TNS3: variants seen among roughly 807,000 people sequenced by gnomAD.
The protein encoded by TNS3 is tensin 3.
In TNS3, 45 loss-of-function variants were observed where a neutral mutation model predicts 140.9. The observed-to-expected ratio is 0.32, with a 90% confidence interval of 0.25 to 0.41. The LOEUF (loss-of-function observed/expected upper bound fraction) is 0.41. TNS3 is among the 10% of genes least tolerant of loss of function. TNS3 has a pLI of 1.00. For synonymous variants in TNS3, 815 were observed against 788.4 expected (o/e 1.03, Z -0.56); for missense variants, 1,716 against 1,906.7 (o/e 0.90, Z 1.86).
intron 4 of TNS3, among the ~76,000 whole-genome samples, chr7:47,447,636 G>A (rs1795813453): frequency 6.6e-6 from 1 of 152,120 alleles, no homozygotes; most frequent in African/African-American, 2.4e-5. Context: ...TATGGCACAT[G>A]GTCCTGCAGT....
chr7:47,411,554 C>T (rs529208976), intron 13 of TNS3, among the ~76,000 whole-genome samples, 173 bp downstream of exon 13: 25 of 152,342 alleles, frequency 1.6e-4, no homozygotes, highest in African/African-American at 5.0e-4. Context: ...ATAAGGTCCA[C>T]GGCCCAGGCG....
chr7:47,319,943 G>T (rs1245118688), intron 20 of TNS3, among the ~76,000 whole-genome samples: 1 of 152,190 alleles, frequency 6.6e-6, no homozygotes, highest in Non-Finnish European at 1.5e-5. Context: ...CGTCCTGTGA[G>T]CAATGAGGAA....
chr7:47,317,856 G>A (rs1185766355), intron 20 of TNS3, among the ~76,000 whole-genome samples: 1 of 152,220 alleles, frequency 6.6e-6, no homozygotes, highest in African/African-American at 2.4e-5. Context: ...CACCCGCTGA[G>A]TGGCCAAGGA....
intron 3 of TNS3, among the ~76,000 whole-genome samples, chr7:47,496,369 T>C (rs191451249): frequency 6.6e-6 from 1 of 152,246 alleles, no homozygotes; most frequent in East Asian, 1.9e-4. Context: ...GGAGGGACGT[T>C]TCCCCTGTGA....
intron 20 of TNS3, among the ~76,000 whole-genome samples, chr7:47,341,435 ATTT>A (rs1258829321): frequency 2.7e-4 from 41 of 152,254 alleles, no homozygotes; most frequent in Admixed American, 2.2e-3. Context: ...CAAGTAGTCT[ATTT>A]CCTATTGGGT....
intron 1 of TNS3, among the ~76,000 whole-genome samples, chr7:47,564,627 C>A (rs1800385584): frequency 2.2e-5 from 2 of 92,692 alleles, no homozygotes; most frequent in Admixed American, 1.6e-4. Flanking sequence ...CAGAGCAAGA[C>A]TCCGTCTCAA....
chr7:47,389,075 GAAGAA>G lies in TNS3; in HGVS notation c.1024+7720_1024+7724del, dbSNP rs1562675186. Among the ~76,000 whole-genome samples, 11 of 69,280 alleles carry G rather than the reference GAAGAA, an allele frequency of 1.6e-4. No homozygotes were observed. In the East Asian group the frequency reaches 1.8e-3, roughly 12 times the overall value. 45.5% of individuals were successfully genotyped at this position (69,280 alleles called of 152,430 possible). On this transcript the variant is annotated intron_variant, in intron 16 of 30. Transcript: ENST00000311160. ...AGAAGAAGAAGAAGAAGAAGAAGAA[GAAGAA>G]GAAGAGGAAGAGGAAGAGGAAGCGG...
intron 20 of TNS3, among the ~76,000 whole-genome samples, chr7:47,317,198 A>C: frequency 6.6e-6 from 1 of 152,250 alleles, no homozygotes; most frequent in African/African-American, 2.4e-5. Context: ...TTATTCCCCC[A>C]GTGAAGCCAG....
At chr7:47,522,885 G>C (rs571668854) in intron 2 of TNS3, among the ~76,000 whole-genome samples, 1 of 147,672 alleles carries the variant, frequency 6.8e-6, no homozygotes, top group Non-Finnish European at 1.5e-5. Flanking sequence ...CTGAGATCGC[G>C]CCAATGCACT....
At chr7:47,291,037 GA>G (rs900901313) in intron 27 of TNS3, among the ~76,000 whole-genome samples, 6 of 152,120 alleles carry the variant, frequency 3.9e-5, no homozygotes, top group African/African-American at 1.4e-4. Context: ...ACACATGGAG[GA>G]AACTTAAATG....
chr7:47,466,671 A>C (rs1796730944), intron 4 of TNS3, among the ~76,000 whole-genome samples: 1 of 152,142 alleles, frequency 6.6e-6, no homozygotes. Flanking sequence ...TCAGCTGTGT[A>C]CTTCCTGCAA....
At chr7:47,380,385 C>G (rs544384854) in intron 16 of TNS3, among the ~76,000 whole-genome samples, 1 of 152,202 alleles carries the variant, frequency 6.6e-6, no homozygotes, top group Admixed American at 6.5e-5. Flanking sequence ...TTGGCCTTAT[C>G]TGAGGCCACC....
intron 2 of TNS3, among the ~76,000 whole-genome samples, chr7:47,508,628 G>A (rs1798501350): frequency 6.6e-6 from 1 of 152,250 alleles, no homozygotes; most frequent in South Asian, 2.1e-4. Context: ...TAGCCTTCCA[G>A]ATGGCCTGGG....
intron 1 of TNS3, chr7:47,539,060 T>C (rs1193994241): frequency 4.4e-6 from 2 of 456,660 alleles, no homozygotes; most frequent in East Asian, 7.0e-5. Flanking sequence ...CAGCTGGATC[T>C]ACCACCGCCC....
intron 16 of TNS3, among the ~76,000 whole-genome samples, chr7:47,389,054 GA>G (rs1792287495): frequency 1.6e-5 from 1 of 62,438 alleles, no homozygotes; most frequent in African/African-American, 7.6e-5. Flanking sequence ...AGAAGAAGAA[GA>G]AGAAGAAGAA....
intron 1 of TNS3, among the ~76,000 whole-genome samples, chr7:47,581,828 C>T (rs1172460869): frequency 1.3e-5 from 2 of 151,988 alleles, no homozygotes; most frequent in Admixed American, 6.5e-5. Flanking sequence ...GCTCCCTAAC[C>T]TGGGTTCTCC....
chr7:47,539,734 C>T (rs568410062), intron 1 of TNS3: 1 of 154,406 alleles, frequency 6.5e-6, no homozygotes, highest in East Asian at 1.9e-4. Flanking sequence ...CTAGTGTGGT[C>T]ATAAGTCTTG....
chr7:47,495,721 A>T (rs1169144479), intron 3 of TNS3, among the ~76,000 whole-genome samples: 5 of 152,218 alleles, frequency 3.3e-5, no homozygotes, highest in Non-Finnish European at 7.4e-5. Context: ...TTCTGCAGAG[A>T]TGACATTGCT....
chr7:47,438,197 G>C (rs1795285117), intron 6 of TNS3, among the ~76,000 whole-genome samples: 1 of 152,196 alleles, frequency 6.6e-6, no homozygotes, highest in African/African-American at 2.4e-5. Flanking sequence ...TATGACAAGG[G>C]GGGGCGCTGC....
Sources: gnomAD v4.1 joint callset for allele counts (sites outside exome capture counted in the v4.1 genomes callset) on GRCh38, gnomAD v4.1.1 for gene constraint, MANE v1.5 for transcripts, NCBI Gene and HGNC (gene_info 2026-07-23, HGNC 2026-07-21) for gene names.